Variants in ABCG8 observed in about 807,000 individuals in gnomAD.
The protein encoded by ABCG8 is ATP-binding cassette sub-family G member 8.
ABCG8 carries 81 observed loss-of-function variants against 71.3 expected under a neutral mutation model. That is an observed-to-expected ratio of 1.14 (90% confidence interval 0.95 to 1.37). ABCG8 has a LOEUF of 1.37. Among genes scored for constraint, ABCG8 ranks in the 40% most tolerant of loss-of-function variants. ABCG8 has a pLI of 0.00. For synonymous variants in ABCG8, 451 were observed against 354.7 expected, an observed-to-expected ratio of 1.27 and a Z score of -3.05; for missense variants, 1,119 against 866.2, an observed-to-expected ratio of 1.29 and a Z score of -3.66.
intron 6 of ABCG8, among the ~76,000 whole-genome samples, chr2:43,858,885 ACT>A (rs1395001134): frequency 6.6e-6 from 1 of 151,192 alleles, no homozygotes; most frequent in Non-Finnish European, 1.5e-5. Flanking sequence ...TCTAGATAGA[ACT>A]CTCACTATCT....
intron 3 of ABCG8, among the ~76,000 whole-genome samples, chr2:43,850,020 T>C (rs1415748275): frequency 6.6e-6 from 1 of 151,804 alleles, no homozygotes; most frequent in Admixed American, 6.6e-5. Context: ...GCCAACATGG[T>C]GAAACCCCGT....
intron 2 of ABCG8, among the ~76,000 whole-genome samples, 195 bp downstream of exon 2, chr2:43,844,803 G>T (rs959238107): frequency 1.3e-5 from 2 of 152,130 alleles, no homozygotes; most frequent in African/African-American, 4.8e-5. Flanking sequence ...AGGTTGAGAG[G>T]CTTGAAAAGA....
Position 43,873,917 on chromosome 2 carries a change from A to G in ABCG8, c.1342A>G (p.Thr448Ala), listed in dbSNP as rs767568664. Residue 448 changes from threonine (T) to alanine (A), a missense_variant, in exon 9 of 13, where the codon ACA becomes GCA. By Grantham distance (58) the Thr-to-Ala change is moderately conservative. Transcript: ENST00000272286. ...HGSIQLSFMD[T>A]AALLFMIGAL... is the part of the protein sequence containing the mutation. Reference sequence around the variant, plus strand: ...GAGCATCCAGCTCTCCTTCATGGATACAGCCGCCCTCTTGTTCATGATCGG... The same window carrying G: ...GAGCATCCAGCTCTCCTTCATGGATGCAGCCGCCCTCTTGTTCATGATCGG... The G allele has an allele frequency of 2.5e-6, 4 of 1,613,962 alleles. No individual in the cohort carries two copies. In the Admixed American group the frequency reaches 5.0e-5, roughly 20 times the overall value.
intron 6 of ABCG8, among the ~76,000 whole-genome samples, chr2:43,866,826 C>G (rs1045219151): frequency 1.3e-5 from 2 of 150,930 alleles, no homozygotes; most frequent in African/African-American, 4.9e-5. Context: ...TACTATTTGA[C>G]CCAGCCATCC....
chr2:43,846,089 A>T (rs1298910924), intron 2 of ABCG8, 66 bp from the exon 3 acceptor site: 4 of 1,582,674 alleles, frequency 2.5e-6, no homozygotes, highest in Admixed American at 1.7e-5. Context: ...AAGATGCTGA[A>T]CAGAAGTTGC....
chr2:43,863,837 G>C (rs1174090590), intron 6 of ABCG8, among the ~76,000 whole-genome samples: 3 of 151,648 alleles, frequency 2.0e-5, no homozygotes, highest in African/African-American at 4.8e-5. Context: ...TCACTCTCTG[G>C]ATAGAACTCT....
chr2:43,866,605 C>T (rs1367603668), intron 6 of ABCG8, among the ~76,000 whole-genome samples: 12 of 151,912 alleles, frequency 7.9e-5, no homozygotes, highest in African/African-American at 1.2e-4. Flanking sequence ...ATGCTCACCA[C>T]CACTGGCCAT....
chr2:43,873,728 C>A, intron 8 of ABCG8, 59 bp from the exon 9 acceptor site: 2 of 1,565,142 alleles, frequency 1.3e-6, no homozygotes, highest in East Asian at 2.2e-5. Context: ...GTGACATTCC[C>A]AGGGTCACGG....
At chr2:43,868,181 G>A (rs1270524563) in intron 6 of ABCG8, among the ~76,000 whole-genome samples, 1 of 145,918 alleles carries the variant, frequency 6.9e-6, no homozygotes, top group East Asian at 2.1e-4. Context: ...CCCTCTGGAT[G>A]GAACTGTCAC....
At chr2:43,877,283 C>T (rs2104951758) in intron 11 of ABCG8, among the ~76,000 whole-genome samples, 1 of 150,244 alleles carries the variant, frequency 6.7e-6, no homozygotes, top group Middle Eastern at 3.6e-3. Flanking sequence ...TATGGGGAGA[C>T]TGTGGGAATA....
rs1027800030 is a variant in ABCG8 at position 43,880,557 on chromosome 2, T to C, written c.*2644T>C. ...AATCTGGGTTCCTCTTAGTGGAAAA[T>C]GGTATTTAGAAGCCAAGGTTTTGGT... On this transcript the variant is annotated 3_prime_UTR_variant, in exon 13 of 13. Transcript: ENST00000272286. 2 of 151,410 alleles carry C rather than the reference T, an allele frequency of 1.3e-5. No homozygotes were observed. The highest frequency in any genetic ancestry group is 2.4e-5 in the African/African-American group (1 of 41,138). 9.4% of individuals were successfully genotyped at this position (151,410 alleles called of 1,614,324 possible).
At chr2:43,856,878 A>G (rs1024701129) in intron 6 of ABCG8, among the ~76,000 whole-genome samples, 8 of 150,974 alleles carry the variant, frequency 5.3e-5, no homozygotes, top group African/African-American at 1.7e-4. Context: ...AACTCTCACT[A>G]TCTGTCTGGT....
At chr2:43,857,612 T>C (rs1034219929) in intron 6 of ABCG8, among the ~76,000 whole-genome samples, 4 of 151,768 alleles carry the variant, frequency 2.6e-5, no homozygotes, top group Admixed American at 6.6e-5. Context: ...TCTGTCTGGA[T>C]AGAATTCTCA....
In ABCG8 at chr2:43,851,804, G is replaced by A; in HGVS notation, c.543G>A (p.Gln181=). The change falls in exon 4 of 13, where the codon CAG becomes CAA. Residue 181 remains glutamine (Q), a synonymous_variant. Coordinates refer to ENST00000272286, the MANE Select transcript of ABCG8 (RefSeq NM_022437.3). ...AQMRLPRTFS[Q]AQRDKRVEDV... Reference sequence around the variant, plus strand: ...TGCGGCTGCCCAGAACCTTCTCCCAGGCCCAGCGTGACAAAAGGGTAACTA... The same window carrying A: ...TGCGGCTGCCCAGAACCTTCTCCCAAGCCCAGCGTGACAAAAGGGTAACTA... The A allele has an allele frequency of 6.2e-7, 1 of 1,614,210 alleles. No homozygotes were observed. The highest frequency in any genetic ancestry group is 8.5e-7 in the Non-Finnish European group (1 of 1,180,044).
intron 1 of ABCG8, among the ~76,000 whole-genome samples, chr2:43,840,094 C>A (rs967171543): frequency 1.7e-4 from 26 of 152,198 alleles, no homozygotes; most frequent in African/African-American, 6.0e-4. Flanking sequence ...CCACTCCCAC[C>A]ACCTCACCCC....
chr2:43,840,527 C>G (rs928938433), intron 1 of ABCG8, among the ~76,000 whole-genome samples: 1 of 152,144 alleles, frequency 6.6e-6, no homozygotes, highest in African/African-American at 2.4e-5. Flanking sequence ...GACGGTCTGC[C>G]CGTAACACCT....
Position 43,846,194 on chromosome 2 carries a change from G to T in ABCG8, c.205G>T (p.Ala69Ser). The T allele has an allele frequency of 6.2e-7, 1 of 1,614,020 alleles. No homozygotes were observed. Among genetic ancestry groups the T allele is most frequent in the East Asian group, 2.2e-5 (1 of 44,890 alleles). The change falls in exon 3 of 13, where the codon GCT (alanine) becomes TCT (serine). Residue 69 changes from alanine (A) to serine (S), a missense_variant. Physicochemically the swap from Ala to Ser is moderately conservative, Grantham distance 99 (BLOSUM62 1). Transcript: ENST00000272286. ...TCAGGTCCCTTGGTTTGAGCAGCTG[G>T]CTCAGTTCAAGATGCCCTGGACATC... The part of the protein sequence containing the change: ...ASQVPWFEQL[A>S]QFKMPWTSPS...
chr2:43,852,646 G>A lies in ABCG8; in HGVS notation c.742G>A (p.Ala248Thr), dbSNP rs758262474. Residue 248 changes from alanine (A) to threonine (T), a missense_variant, in exon 6 of 13, where the codon GCC becomes ACC. Physicochemically the swap from Ala to Thr is moderately conservative, Grantham distance 58. Transcript: ENST00000272286. ...EPTSGLDSFT[A>T]HNLVKTLSRL... Reference sequence around the variant, plus strand: ...CACCTCTGGGCTCGACAGCTTCACAGCCCACAACCTGGTGAAGACCTTGTC... The same window carrying A: ...CACCTCTGGGCTCGACAGCTTCACAACCCACAACCTGGTGAAGACCTTGTC... 5.6e-6 allele frequency: 9 copies of A among 1,614,080 alleles called. No homozygotes were observed. The African/African-American group carries it at 1.1e-4, about 19-fold the overall frequency.
chr2:43,878,058 ACAGACCAG>A lies in ABCG8; in HGVS notation c.*147_*154del. On this transcript the variant is annotated 3_prime_UTR_variant, in exon 13 of 13. Transcript: ENST00000272286. ...ATCCGGCCCAGGGTGCTGCAGTGGC[ACAGACCAG>A]CCACAGGATGGCAGTAGAATAAAGA... 3 of 1,176,306 alleles carry A rather than the reference ACAGACCAG, an allele frequency of 2.6e-6. No individual in the cohort carries two copies. The highest frequency in any genetic ancestry group is 2.5e-6 in the Non-Finnish European group (2 of 814,172). The allele number at this position is 1,176,306 out of a possible 1,614,324, so 72.9% of individuals were successfully genotyped here.
Sources: allele counts gnomAD v4.1 joint callset (sites outside exome capture counted in the v4.1 genomes callset), GRCh38; gene constraint gnomAD v4.1.1; transcripts MANE v1.5; gene names NCBI Gene and HGNC (gene_info 2026-07-23, HGNC 2026-07-21).